Variants in PNPLA8 observed in about 807,000 individuals in gnomAD.
PNPLA8 encodes the protein patatin like domain 8, phospholipase A2.
PNPLA8 carries 39 observed loss-of-function variants against 76.9 expected under a neutral mutation model. That is an observed-to-expected ratio of 0.51 (90% CI 0.39 to 0.66). The LOEUF is 0.66. PNPLA8 is among the 30% of genes least tolerant of loss of function. The pLI is 0.00. For missense variants in PNPLA8, 887 were observed against 918.0 expected (o/e 0.97, Z 0.44); for synonymous variants, 301 against 307.9 (o/e 0.98, Z 0.24).
At chr7:108,520,240 T>C (rs1863641573) in intron 2 of PNPLA8, among the ~76,000 whole-genome samples, 1 of 152,232 alleles carries the variant, frequency 6.6e-6, no homozygotes, top group Non-Finnish European at 1.5e-5. Context: ...TCTGAACTCC[T>C]TGGGACTTAC....
chr7:108,525,529 T>C (rs1023338761), intron 1 of PNPLA8, among the ~76,000 whole-genome samples: 2 of 152,188 alleles, frequency 1.3e-5, no homozygotes, highest in Non-Finnish European at 2.9e-5. Context: ...CTTATCCACT[T>C]AAGCAACAGC....
At position 108,514,477 on chromosome 7, in the gene PNPLA8, T is replaced by C; in HGVS notation, c.1015A>G (p.Asn339Asp). 1 of 1,613,542 alleles carries C rather than the reference T, an allele frequency of 6.2e-7. No individual in the cohort carries two copies. The highest frequency in any genetic ancestry group is 8.5e-7 in the Non-Finnish European group (1 of 1,179,758). The change falls in exon 3 of 11, where the codon AAT becomes GAT. Residue 339 changes from asparagine to aspartate, a missense_variant. Physicochemically the swap from Asn to Asp is conservative, Grantham distance 23. Transcript: ENST00000257694. ...KTDQAVSKDR[N>D]AEEKKRLSLQ... ...GATAAACGCTTTTTCTCCTCTGCAT[T>C]TCTGTCTTTGCTGACAGCCTGATCA...
intron 10 of PNPLA8, 57 bp downstream of exon 10, chr7:108,479,126 CA>C (rs1860204941): frequency 3.6e-5 from 47 of 1,288,104 alleles, no homozygotes; most frequent in Non-Finnish European, 5.2e-5. Flanking sequence ...CAAATGCCAC[CA>C]AAAAACTGCT....
chr7:108,496,863 G>A, intron 6 of PNPLA8, 108 bp from the exon 7 acceptor site: 1 of 810,908 alleles, frequency 1.2e-6, no homozygotes, highest in Non-Finnish European at 1.9e-6. Flanking sequence ...ATACTTTCTA[G>A]CTATGTCACC....
At chr7:108,497,614 T>C (rs761106345) in intron 5 of PNPLA8, 37 bp from the exon 6 acceptor site, 11 of 1,238,170 alleles carry the variant, frequency 8.9e-6, no homozygotes, top group Non-Finnish European at 1.2e-5. Flanking sequence ...ACAATTCCTG[T>C]TTAAAGAAAA....
chr7:108,496,446 G>A, intron 7 of PNPLA8, 138 bp downstream of exon 7: 1 of 549,574 alleles, frequency 1.8e-6, no homozygotes, highest in East Asian at 3.5e-5. Context: ...TCTCTAATTA[G>A]TCAAATAATT....
chr7:108,511,621 G>A (rs895067998), intron 4 of PNPLA8, among the ~76,000 whole-genome samples: 1 of 152,166 alleles, frequency 6.6e-6, no homozygotes, highest in Non-Finnish European at 1.5e-5. Context: ...CAGTTTTAAA[G>A]GTGCAGGTGA....
chr7:108,480,781 G>T, intron 9 of PNPLA8: 1 of 371,754 alleles, frequency 2.7e-6, no homozygotes. Context: ...TTTTTGGTAT[G>T]CAGCTCTATG....
At chr7:108,476,131 GT>G (rs1859973875) in intron 10 of PNPLA8, among the ~76,000 whole-genome samples, 1 of 151,872 alleles carries the variant, frequency 6.6e-6, no homozygotes, top group Non-Finnish European at 1.5e-5. Context: ...TAAAATTGTT[GT>G]TTTTGTGGGC....
chr7:108,519,332 T>C (rs929267694), intron 2 of PNPLA8, among the ~76,000 whole-genome samples: 11 of 152,238 alleles, frequency 7.2e-5, no homozygotes, highest in African/African-American at 2.6e-4. Context: ...CCTAGGAATC[T>C]GAGGCTGCAG....
rs762343631 is a variant in PNPLA8 at position 108,497,493 on chromosome 7, A to G, written c.1443T>C (p.Gly481=). 2.5e-6 allele frequency: 4 copies of G among 1,601,796 alleles called. No homozygotes were observed. The highest frequency in any genetic ancestry group is 3.4e-6 in the Non-Finnish European group (4 of 1,170,336). ...PVHQLFDYIC[G]VSTGAILAFM... is the part of the protein sequence containing the mutation. Reference sequence around the variant, plus strand: ...TATAATAATAATTACCTGTGCTTACACCACAAATGTAATCAAAGAGCTGAT... The same window carrying G: ...TATAATAATAATTACCTGTGCTTACGCCACAAATGTAATCAAAGAGCTGAT... The change falls in exon 6 of 11, where the codon GGT becomes GGC. Residue 481 remains glycine (G), a synonymous_variant. Coordinates refer to ENST00000257694, the MANE Select transcript of PNPLA8 (RefSeq NM_001256007.3).
intron 7 of PNPLA8, among the ~76,000 whole-genome samples, chr7:108,494,072 A>G (rs972361162): frequency 1.3e-5 from 2 of 152,312 alleles, no homozygotes; most frequent in East Asian, 3.9e-4. Flanking sequence ...TCTGATTAAA[A>G]AAAAGCTTGA....
intron 8 of PNPLA8, among the ~76,000 whole-genome samples, chr7:108,489,437 T>C (rs372990772): frequency 1.7e-4 from 26 of 152,354 alleles, no homozygotes; most frequent in East Asian, 1.5e-3. Flanking sequence ...TGCTACTCAA[T>C]GGCCTTCACA....
rs149043701 is a variant in PNPLA8, at chr7:108,514,697, C to A, written c.795G>T (p.Thr265=). ...CAGAAGGACTTGTAGGCTTGTCCAC[C>A]GTATGTACAGATTCTGAGCCTGGCT... ...AYKPGSESVH[T]VDKPTSPSAI... Residue 265 remains threonine (T), a synonymous_variant, in exon 3 of 11, where the codon ACG becomes ACT. Transcript: ENST00000257694. The A allele has an allele frequency of 1.2e-6, 2 of 1,613,950 alleles. No homozygotes were observed. Among genetic ancestry groups the A allele is most frequent in the East Asian group, 4.5e-5 (2 of 44,862 alleles).
At chr7:108,481,827 T>C (rs1860419215) in intron 9 of PNPLA8, among the ~76,000 whole-genome samples, 1 of 152,224 alleles carries the variant, frequency 6.6e-6, no homozygotes, top group African/African-American at 2.4e-5. Flanking sequence ...CGATCCATTA[T>C]AAATTATCTT....
intron 4 of PNPLA8, among the ~76,000 whole-genome samples, chr7:108,503,289 T>C (rs1435370449): frequency 1.3e-5 from 2 of 152,208 alleles, no homozygotes; most frequent in Non-Finnish European, 2.9e-5. Context: ...CTAGCTTCTG[T>C]ACACAGAAGC....
intron 5 of PNPLA8, among the ~76,000 whole-genome samples, chr7:108,497,826 CTT>C (rs1303338247): frequency 6.6e-6 from 1 of 151,896 alleles, no homozygotes; most frequent in Non-Finnish European, 1.5e-5. Context: ...GTATCTCTCT[CTT>C]GTTTTTTCAC....
chr7:108,520,060 T>C (rs965693628), intron 2 of PNPLA8, among the ~76,000 whole-genome samples: 1 of 152,202 alleles, frequency 6.6e-6, no homozygotes, highest in African/African-American at 2.4e-5. Context: ...AAAATAGCTA[T>C]ATAAGTATGT....
chr7:108,526,340 C>T (rs1365839012), upstream of PNPLA8: 1 of 110,826 alleles, frequency 9.0e-6, no homozygotes, highest in Admixed American at 1.0e-4. Context: ...CGGGAAGCCG[C>T]GACAGACGTG....
Sources: allele counts gnomAD v4.1 joint callset (sites outside exome capture counted in the v4.1 genomes callset), GRCh38; gene constraint gnomAD v4.1.1; transcripts MANE v1.5; gene names NCBI Gene and HGNC (gene_info 2026-07-23, HGNC 2026-07-21).